Variants in CLEC16A observed in about 807,000 individuals in gnomAD.
CLEC16A encodes protein CLEC16A.
A neutral mutation model predicts 109.5 loss-of-function variants in CLEC16A; 51 were observed. That is an observed-to-expected ratio of 0.47 (90% CI 0.37 to 0.59). CLEC16A has a LOEUF of 0.59. CLEC16A is among the 20% of genes least tolerant of loss of function. The probability of loss-of-function intolerance (pLI) is 0.00; values close to 1 mark genes in which losing one functional copy is unlikely to be tolerated. For missense variants in CLEC16A, 1,339 were observed against 1,394.0 expected (o/e 0.96, Z 0.63); for synonymous variants, 673 against 564.2 (o/e 1.19, Z -2.73).
chr16:11,116,937 C>G (rs1347165543), intron 19 of CLEC16A, among the ~76,000 whole-genome samples: 1 of 152,154 alleles, frequency 6.6e-6, no homozygotes, highest in Non-Finnish European at 1.5e-5. Flanking sequence ...AACCCAGGTG[C>G]CCATCAATGG....
chr16:11,083,253 C>T (rs1597329300), intron 19 of CLEC16A, among the ~76,000 whole-genome samples: 1 of 152,174 alleles, frequency 6.6e-6, no homozygotes, highest in South Asian at 2.1e-4. Flanking sequence ...GCATCAAACT[C>T]CTGGGCTCAA....
chr16:11,076,610 C>G (rs1424444460), intron 19 of CLEC16A, among the ~76,000 whole-genome samples: 5 of 152,080 alleles, frequency 3.3e-5, no homozygotes, highest in Non-Finnish European at 5.9e-5. Flanking sequence ...GCTCAGGCCT[C>G]AGGAGGGGAG....
chr16:11,097,207 G>A (rs1225737671), intron 19 of CLEC16A, among the ~76,000 whole-genome samples: 1 of 152,196 alleles, frequency 6.6e-6, no homozygotes, highest in Admixed American at 6.5e-5. Context: ...TTTGCCAATT[G>A]CCAAGTTGCC....
At chr16:10,984,848 C>G (rs1437325844) in intron 10 of CLEC16A, among the ~76,000 whole-genome samples, 1 of 152,172 alleles carries the variant, frequency 6.6e-6, no homozygotes, top group African/African-American at 2.4e-5. Context: ...TTGTTTCACT[C>G]CATTTAGAAA....
chr16:11,008,166 A>T (rs1030893547), intron 11 of CLEC16A, among the ~76,000 whole-genome samples: 1 of 152,148 alleles, frequency 6.6e-6, no homozygotes, highest in African/African-American at 2.4e-5. Context: ...TATCCTAGGT[A>T]ACCAGCCAGG....
intron 18 of CLEC16A, among the ~76,000 whole-genome samples, chr16:11,055,444 C>T (rs2048160614): frequency 6.6e-6 from 1 of 152,062 alleles, no homozygotes; most frequent in South Asian, 2.1e-4. Context: ...CCTGAGATGC[C>T]ACCAAGTGTG....
chr16:11,090,736 C>T (rs2050255114), intron 19 of CLEC16A, among the ~76,000 whole-genome samples: 1 of 151,960 alleles, frequency 6.6e-6, no homozygotes, highest in African/African-American at 2.4e-5. Context: ...CCTCTCCCTC[C>T]CTGGTTCAAG....
intron 19 of CLEC16A, among the ~76,000 whole-genome samples, chr16:11,118,063 C>G (rs1232224109): frequency 1.3e-5 from 2 of 152,080 alleles, no homozygotes; most frequent in Non-Finnish European, 2.9e-5. Context: ...CAGCCTCTAC[C>G]TCCTGGGCTC....
At chr16:11,106,064 A>G (rs1035860193) in intron 19 of CLEC16A, among the ~76,000 whole-genome samples, 1 of 152,234 alleles carries the variant, frequency 6.6e-6, no homozygotes. Context: ...AGTGATATAA[A>G]GGAGGCCAGA....
intron 11 of CLEC16A, among the ~76,000 whole-genome samples, chr16:11,018,116 TG>T (rs1406541757): frequency 6.6e-5 from 10 of 150,558 alleles, no homozygotes; most frequent in Admixed American, 1.3e-4. Context: ...GAGACCAGCC[TG>T]GGCAACATAG....
chr16:11,124,353 G>A (rs1243386644), intron 21 of CLEC16A, among the ~76,000 whole-genome samples: 3 of 152,198 alleles, frequency 2.0e-5, no homozygotes, highest in African/African-American at 7.2e-5. Flanking sequence ...ACAGGCTCAG[G>A]GACTTGCCCA....
chr16:11,005,122 G>C (rs78799313), intron 11 of CLEC16A, among the ~76,000 whole-genome samples: 4 of 152,294 alleles, frequency 2.6e-5, no homozygotes, highest in Non-Finnish European at 5.9e-5. Flanking sequence ...GTCCTTTTAA[G>C]GATGCTCTCT....
chr16:11,025,873 C>T (rs778072049), intron 13 of CLEC16A, among the ~76,000 whole-genome samples: 1 of 152,144 alleles, frequency 6.6e-6, no homozygotes, highest in African/African-American at 2.4e-5. Flanking sequence ...TTCCTGCTAC[C>T]GGTTTCTCTT....
At chr16:11,119,075 C>G (rs1475014391) in intron 19 of CLEC16A, among the ~76,000 whole-genome samples, 1 of 152,192 alleles carries the variant, frequency 6.6e-6, no homozygotes, top group Admixed American at 6.5e-5. Context: ...GATCTTGGCT[C>G]ACTGCAACTT....
chr16:11,098,458 C>T (rs1017881725), intron 19 of CLEC16A, among the ~76,000 whole-genome samples: 1 of 152,252 alleles, frequency 6.6e-6, no homozygotes, highest in Non-Finnish European at 1.5e-5. Context: ...CAAGAACTGT[C>T]AGCCTCTTCA....
At chr16:11,018,599 A>G (rs896350849) in intron 11 of CLEC16A, among the ~76,000 whole-genome samples, 3 of 151,988 alleles carry the variant, frequency 2.0e-5, no homozygotes, top group African/African-American at 7.3e-5. Flanking sequence ...AATACAAAAG[A>G]TTAGCTGGGT....
chr16:11,060,772 G>T, intron 18 of CLEC16A, 130 bp from the exon 19 acceptor site: 1 of 942,428 alleles, frequency 1.1e-6, no homozygotes, highest in Non-Finnish European at 1.5e-6. Context: ...CAAAACACCC[G>T]AAGAGGTGGG....
intron 22 of CLEC16A, chr16:11,136,213 C>T (rs553908892): frequency 6.6e-6 from 1 of 152,308 alleles, no homozygotes; most frequent in East Asian, 1.9e-4. Context: ...TGTTGGATCT[C>T]AGTTTATTCA....
At chr16:11,165,516 T>C (rs924060490) in intron 22 of CLEC16A, among the ~76,000 whole-genome samples, 1 of 152,100 alleles carries the variant, frequency 6.6e-6, no homozygotes, top group Admixed American at 6.5e-5. Context: ...AACAAACATG[T>C]ATACTGAGCT....
Sources: gnomAD v4.1 joint callset for allele counts (sites outside exome capture counted in the v4.1 genomes callset) on GRCh38, gnomAD v4.1.1 for gene constraint, MANE v1.5 for transcripts, NCBI Gene and HGNC (gene_info 2026-07-23, HGNC 2026-07-21) for gene names.